The following SLC24A2 variants were observed in gnomAD, a reference collection of about 807,000 sequenced individuals.
SLC24A2 encodes the protein sodium/potassium/calcium exchanger 2.
In SLC24A2, 36 loss-of-function variants were observed where a neutral mutation model predicts 62.0. The ratio of observed to expected loss-of-function variants is 0.58; its 90% CI spans 0.44 to 0.77. The LOEUF (loss-of-function observed/expected upper bound fraction) is 0.77. SLC24A2 is among the 30% of genes least tolerant of loss of function. The pLI, the probability that SLC24A2 is intolerant of heterozygous loss-of-function variation, is 0.00. For missense variants in SLC24A2, 846 were observed against 817.9 expected, an observed-to-expected ratio of 1.03 and a Z score of -0.42; for synonymous variants, 358 against 294.0, an observed-to-expected ratio of 1.22 and a Z score of -2.23.
intron 2 of SLC24A2, among the ~76,000 whole-genome samples, chr9:19,732,652 C>G (rs929595611): frequency 6.6e-6 from 1 of 152,116 alleles, no homozygotes; most frequent in African/African-American, 2.4e-5. Context: ...AATCTGAGAG[C>G]TACCTCTCCC....
the SLC24A2 span, among the ~76,000 whole-genome samples, chr9:20,243,717 G>A: frequency 6.6e-6 from 1 of 152,058 alleles, no homozygotes; most frequent in African/African-American, 2.4e-5. Flanking sequence ...AAAATAAAAG[G>A]AAAGCAGAGC....
the SLC24A2 span, among the ~76,000 whole-genome samples, chr9:19,998,895 A>G: frequency 1.3e-5 from 2 of 152,192 alleles, no homozygotes; most frequent in Non-Finnish European, 2.9e-5. Flanking sequence ...GGGGGACCTC[A>G]GCCATCCTAT....
At chr9:20,218,158 A>T in the SLC24A2 span, among the ~76,000 whole-genome samples, 1 of 152,218 alleles carries the variant, frequency 6.6e-6, no homozygotes, top group South Asian at 2.1e-4. Context: ...ATTCTGAACT[A>T]GGAAGGCACT....
chr9:19,529,968 G>A (rs913481544), intron 8 of SLC24A2, among the ~76,000 whole-genome samples: 3 of 151,760 alleles, frequency 2.0e-5, no homozygotes, highest in Non-Finnish European at 4.4e-5. Context: ...GGCCAGGCTG[G>A]TTTCAAAATC....
At chr9:20,079,024 A>C in the SLC24A2 span, among the ~76,000 whole-genome samples, 6,735 of 144,034 alleles carry the variant, frequency 0.047, 504 homozygotes, top group African/African-American at 0.15. Context: ...ACCTACTTAG[A>C]AAAAGAGTCT....
chr9:20,141,888 G>A, the SLC24A2 span, among the ~76,000 whole-genome samples: 1 of 152,168 alleles, frequency 6.6e-6, no homozygotes, highest in Non-Finnish European at 1.5e-5. Context: ...TTCAAGACCA[G>A]CCTCGCCAAC....
At chr9:20,003,184 T>G in the SLC24A2 span, among the ~76,000 whole-genome samples, 1 of 152,198 alleles carries the variant, frequency 6.6e-6, no homozygotes. Flanking sequence ...GCAGATAATA[T>G]ATGGCAACTA....
At chr9:20,195,304 G>A in the SLC24A2 span, among the ~76,000 whole-genome samples, 1 of 152,150 alleles carries the variant, frequency 6.6e-6, no homozygotes, top group South Asian at 2.1e-4. Flanking sequence ...CCCTACACTA[G>A]GCATTTATAG....
the SLC24A2 span, among the ~76,000 whole-genome samples, chr9:20,172,164 G>C: frequency 6.6e-6 from 1 of 151,690 alleles, no homozygotes; most frequent in African/African-American, 2.4e-5. Context: ...TCTTCAAACT[G>C]AACAATGATA....
chr9:19,893,678 G>A, the SLC24A2 span, among the ~76,000 whole-genome samples: 4 of 152,122 alleles, frequency 2.6e-5, no homozygotes, highest in Admixed American at 1.3e-4. Flanking sequence ...GAGGGTTTAA[G>A]GTTGTATTTG....
the SLC24A2 span, among the ~76,000 whole-genome samples, chr9:20,298,091 G>C: frequency 6.6e-6 from 1 of 152,196 alleles, no homozygotes; most frequent in Non-Finnish European, 1.5e-5. Context: ...GACAGCCACA[G>C]AACTAGGTGA....
chr9:19,991,613 A>T, the SLC24A2 span, among the ~76,000 whole-genome samples: 1 of 152,204 alleles, frequency 6.6e-6, no homozygotes, highest in Non-Finnish European at 1.5e-5. Context: ...ACCATATATA[A>T]GGCAGGACTA....
chr9:19,527,534 A>G (rs1833495572), intron 9 of SLC24A2, among the ~76,000 whole-genome samples: 1 of 152,232 alleles, frequency 6.6e-6, no homozygotes, highest in Non-Finnish European at 1.5e-5. Context: ...ATGTTTTTCA[A>G]TAATGATTAC....
At chr9:20,303,028 A>G in the SLC24A2 span, among the ~76,000 whole-genome samples, 16 of 152,284 alleles carry the variant, frequency 1.1e-4, no homozygotes, top group African/African-American at 3.1e-4. Flanking sequence ...TCCATCCCCA[A>G]AAGTACCACT....
intron 8 of SLC24A2, among the ~76,000 whole-genome samples, chr9:19,530,918 TCCC>T (rs1286470221): frequency 6.6e-6 from 1 of 152,176 alleles, no homozygotes; most frequent in Non-Finnish European, 1.5e-5. Context: ...CCACACGTGC[TCCC>T]AATATCTAGA....
chr9:20,086,127 G>C, the SLC24A2 span, among the ~76,000 whole-genome samples: 1 of 152,152 alleles, frequency 6.6e-6, no homozygotes, highest in East Asian at 1.9e-4. Flanking sequence ...TTAGAGTCAA[G>C]TCCATCAAAA....
chr9:19,682,565 G>A (rs917612899), intron 2 of SLC24A2, among the ~76,000 whole-genome samples: 9 of 152,082 alleles, frequency 5.9e-5, no homozygotes, highest in Non-Finnish European at 1.0e-4. Context: ...AAAACCCTGA[G>A]GAAAGGCCTG....
At chr9:20,130,815 C>T in the SLC24A2 span, among the ~76,000 whole-genome samples, 1 of 152,026 alleles carries the variant, frequency 6.6e-6, no homozygotes, top group Non-Finnish European at 1.5e-5. Context: ...GCAATGGTGG[C>T]CAGAGCTGTG....
At chr9:19,535,695 C>A (rs1471070948) in intron 8 of SLC24A2, among the ~76,000 whole-genome samples, 2 of 152,136 alleles carry the variant, frequency 1.3e-5, no homozygotes, top group African/African-American at 4.8e-5. Flanking sequence ...GGCCTCTGTT[C>A]TGTTCCATTG....
Sources: allele counts gnomAD v4.1 joint callset (sites outside exome capture counted in the v4.1 genomes callset), GRCh38; gene constraint gnomAD v4.1.1; transcripts MANE v1.5; gene names NCBI Gene and HGNC (gene_info 2026-07-23, HGNC 2026-07-21).